PCDHA6: variants seen among roughly 807,000 people sequenced by gnomAD.
The protein encoded by PCDHA6 is protocadherin alpha-6.
Under a neutral mutation model 60.3 loss-of-function variants are expected in PCDHA6, and 55 were observed. The observed-to-expected ratio is 0.91, with a 90% confidence interval of 0.73 to 1.14. The LOEUF is 1.14. Ranked by LOEUF, PCDHA6 falls within the 50% of genes most tolerant of loss-of-function variation. PCDHA6 has a pLI of 0.00. For missense variants in PCDHA6, 1,327 were observed against 1,256.5 expected, an observed-to-expected ratio of 1.06 and a Z score of -0.85; for synonymous variants, 652 against 557.9, an observed-to-expected ratio of 1.17 and a Z score of -2.38.
intron 1 of PCDHA6, among the ~76,000 whole-genome samples, chr5:140,846,986 C>A (rs1780801174): frequency 6.7e-6 from 1 of 149,066 alleles, no homozygotes; most frequent in South Asian, 2.1e-4. Flanking sequence ...AGTAAGTTCC[C>A]CCCGGGAGAA....
intron 1 of PCDHA6, among the ~76,000 whole-genome samples, chr5:140,844,255 T>C (rs1015870602): frequency 6.7e-6 from 1 of 149,734 alleles, no homozygotes; most frequent in Admixed American, 6.7e-5. Flanking sequence ...TTAAGCAGTG[T>C]AGTGATAAAA....
In PCDHA6 at chr5:140,850,163, G is replaced by A; in HGVS notation, c.2394+19678G>A. ...ACGTGACGCTGCAGGTGTTCGTGCTGGACGAGAACGACAATGCGCCGGCGC... is the reference window on the plus strand; with the variant it reads ...ACGTGACGCTGCAGGTGTTCGTGCTAGACGAGAACGACAATGCGCCGGCGC... On this transcript the variant is annotated intron_variant, in intron 1 of 3. Coordinates refer to ENST00000529310, the MANE Select transcript of PCDHA6 (RefSeq NM_018909.4). 14 of 1,594,908 alleles carry A rather than the reference G, an allele frequency of 8.8e-6. 2 individuals are homozygous for A. The highest frequency in any genetic ancestry group is 1.2e-5 in the Non-Finnish European group (14 of 1,167,784).
intron 1 of PCDHA6, among the ~76,000 whole-genome samples, chr5:140,925,210 C>T (rs1319343041): frequency 2.0e-5 from 3 of 152,122 alleles, no homozygotes; most frequent in African/African-American, 7.2e-5. Context: ...ATTATCGATA[C>T]TTTTAGGCAG....
intron 3 of PCDHA6, among the ~76,000 whole-genome samples, chr5:140,995,267 C>A (rs552857413): frequency 6.6e-6 from 1 of 152,074 alleles, no homozygotes; most frequent in Admixed American, 6.5e-5. Context: ...GAATACAAGC[C>A]CTTTGATACC....
At chr5:140,901,278 A>AT (rs1554189713) in intron 1 of PCDHA6, among the ~76,000 whole-genome samples, 2 of 152,102 alleles carry the variant, frequency 1.3e-5, no homozygotes, top group Non-Finnish European at 2.9e-5. Context: ...TACTCAAGAA[A>AT]TTTTTGCCCA....
rs2150362585 is a variant in PCDHA6 at position 140,843,552 on chromosome 5, C to T, written c.2394+13067C>T. On this transcript the variant is annotated intron_variant, in intron 1 of 3. Transcript: ENST00000529310. ...AAGCCCACTCTGGTGTGCTCCAGTG[C>T]GGTGGGGAGCTGGTCATACTCGCAA... 5.0e-6 allele frequency: 8 copies of T among 1,595,800 alleles called. 2 individuals carry two copies. The highest frequency in any genetic ancestry group is 1.1e-5 in the South Asian group (1 of 90,490).
At chr5:140,870,819 G>A (rs1365807310) in intron 1 of PCDHA6, 2 of 1,613,712 alleles carry the variant, frequency 1.2e-6, no homozygotes, top group Admixed American at 3.3e-5. Flanking sequence ...CTGGCAGCGC[G>A]GGAGGCGCAG....
intron 3 of PCDHA6, among the ~76,000 whole-genome samples, chr5:141,005,512 G>C (rs1015892170): frequency 6.6e-6 from 1 of 151,536 alleles, no homozygotes; most frequent in Non-Finnish European, 1.5e-5. Flanking sequence ...GACCATCCTG[G>C]CTAACACGGT....
intron 1 of PCDHA6, chr5:140,869,665 C>G: frequency 6.2e-7 from 1 of 1,613,338 alleles, no homozygotes; most frequent in Non-Finnish European, 8.5e-7. Flanking sequence ...AAATGGTAAG[C>G]AGATTAAAAG....
chr5:140,876,176 TG>T (rs1554168338), intron 1 of PCDHA6: 2 of 1,613,930 alleles, frequency 1.2e-6, no homozygotes, highest in Non-Finnish European at 1.7e-6. Context: ...GTCCTGGATG[TG>T]AATGACAATG....
intron 1 of PCDHA6, among the ~76,000 whole-genome samples, chr5:140,938,314 T>C (rs1026606524): frequency 2.0e-5 from 3 of 152,220 alleles, no homozygotes; most frequent in Non-Finnish European, 2.9e-5. Flanking sequence ...AGTATAAAAT[T>C]GAATAGAAGT....
chr5:140,927,621 A>G (rs141117468), intron 1 of PCDHA6: 25 of 1,614,198 alleles, frequency 1.5e-5, no homozygotes, highest in Middle Eastern at 3.3e-4. Context: ...CCAAGGTTCC[A>G]GAGACTGCAC....
chr5:140,902,859 A>G (rs964505072), intron 1 of PCDHA6, among the ~76,000 whole-genome samples: 18 of 152,208 alleles, frequency 1.2e-4, no homozygotes, highest in African/African-American at 4.3e-4. Context: ...AATGGCGTCC[A>G]GGTCCACCCA....
intron 3 of PCDHA6, among the ~76,000 whole-genome samples, chr5:140,988,459 G>A (rs1554250155): frequency 6.6e-6 from 1 of 152,152 alleles, no homozygotes; most frequent in Admixed American, 6.5e-5. Context: ...AGGAAGCAAG[G>A]GTGTGGGAAG....
At chr5:140,855,274 C>T (rs1395531351) in intron 1 of PCDHA6, among the ~76,000 whole-genome samples, 1 of 149,676 alleles carries the variant, frequency 6.7e-6, no homozygotes, top group Non-Finnish European at 1.5e-5. Flanking sequence ...TTCACTCAAC[C>T]ACCGTATTAC....
chr5:140,913,965 A>G (rs1228834396), intron 1 of PCDHA6, among the ~76,000 whole-genome samples: 7 of 152,300 alleles, frequency 4.6e-5, no homozygotes, highest in Admixed American at 2.6e-4. Flanking sequence ...ATTTTTAAAA[A>G]AATATTTTAG....
chr5:140,861,587 G>C, intron 1 of PCDHA6: 1 of 374,992 alleles, frequency 2.7e-6, no homozygotes, highest in South Asian at 2.4e-5. Flanking sequence ...TCCATGTGGA[G>C]GTGAAAGTGA....
At chr5:140,894,989 C>T (rs1446674371) in intron 1 of PCDHA6, among the ~76,000 whole-genome samples, 2 of 152,110 alleles carry the variant, frequency 1.3e-5, no homozygotes, top group Non-Finnish European at 2.9e-5. Context: ...TTGTGACATC[C>T]TTTACCCTTT....
At chr5:140,956,949 A>G (rs1027198370) in intron 1 of PCDHA6, among the ~76,000 whole-genome samples, 5 of 140,514 alleles carry the variant, frequency 3.6e-5, no homozygotes, top group African/African-American at 1.3e-4. Flanking sequence ...TTTACATTAA[A>G]ACACTGTAAT....
Sources: allele counts gnomAD v4.1 joint callset (sites outside exome capture counted in the v4.1 genomes callset), GRCh38; gene constraint gnomAD v4.1.1; transcripts MANE v1.5; gene names NCBI Gene and HGNC (gene_info 2026-07-23, HGNC 2026-07-21).